TOX2: variants seen among roughly 807,000 people sequenced by gnomAD.
TOX2 encodes the protein TOX high mobility group box family member 2, also known as granulosa cell HMG box 1.
Under a neutral mutation model 47.4 loss-of-function variants are expected in TOX2, and 15 were observed. The ratio of observed to expected loss-of-function variants is 0.32; its 90% CI spans 0.21 to 0.49. The LOEUF (loss-of-function observed/expected upper bound fraction) is 0.49. Ranked by LOEUF, TOX2 falls within the 20% of genes least tolerant of loss-of-function variation. TOX2 has a pLI of 0.99. For missense variants in TOX2, 622 were observed against 673.1 expected (o/e 0.92, Z 0.84); for synonymous variants, 290 against 296.6 (o/e 0.98, Z 0.23).
At chr20:43,926,706 C>G (rs944047930) in intron 1 of TOX2, among the ~76,000 whole-genome samples, 2 of 152,216 alleles carry the variant, frequency 1.3e-5, no homozygotes, top group South Asian at 4.1e-4. Flanking sequence ...CAGTTCCCTT[C>G]TTTCTCATTG....
intron 1 of TOX2, among the ~76,000 whole-genome samples, chr20:43,934,633 C>T (rs1047700503): frequency 6.6e-6 from 1 of 152,008 alleles, no homozygotes; most frequent in African/African-American, 2.4e-5. Context: ...GACTACCAGG[C>T]TCTGGGGTTT....
At position 44,069,570 on chromosome 20, in the gene TOX2, T is replaced by A. The variant is rs1218119714; in HGVS notation, c.*884T>A. ...GGCGAGTGTCTGTCTTGGTGCCCAG[T>A]GCTTCTCTCAAATCTCTTTATAATA... is the stretch of plus-strand genomic sequence containing the variant. On this transcript the variant is annotated 3_prime_UTR_variant, in exon 9 of 9. Coordinates refer to ENST00000341197, the MANE Select transcript of TOX2 (RefSeq NM_001098797.2). The A allele has an allele frequency of 6.5e-6, 1 of 152,846 alleles. No homozygotes were observed. The highest frequency in any genetic ancestry group is 6.5e-5 in the Admixed American group (1 of 15,294). 9.5% of individuals were successfully genotyped at this position (152,846 alleles called of 1,614,324 possible). A position where few individuals can be genotyped will look rare whatever the true frequency, so the allele number is the denominator to read the frequency against.
At chr20:44,049,602 G>A (rs6103583) in intron 3 of TOX2, among the ~76,000 whole-genome samples, 113,624 of 152,100 alleles carry the variant, frequency 0.75, 42,604 homozygotes, top group Middle Eastern at 0.84. Context: ...TCACCTAGGT[G>A]CTAAACCCAG....
intron 1 of TOX2, among the ~76,000 whole-genome samples, chr20:43,941,407 A>G (rs758074189): frequency 6.7e-6 from 1 of 149,668 alleles, no homozygotes; most frequent in Non-Finnish European, 1.5e-5. Flanking sequence ...ATCTCGGCTC[A>G]CTGCAACCTC....
chr20:43,923,604 G>T (rs1330006267), intron 1 of TOX2, among the ~76,000 whole-genome samples: 4 of 152,204 alleles, frequency 2.6e-5, no homozygotes, highest in Non-Finnish European at 4.4e-5. Flanking sequence ...CTTAACTGAG[G>T]ACAGTAGAGA....
Position 44,061,050 on chromosome 20 carries a change from A to G in TOX2, c.880-3727A>G, listed in dbSNP as rs6103590. ...AGAGAAGATCCAAATAAGCTCAATT[A>G]GAAACAAAACATGAGATATTACAAC... On this transcript the variant is annotated intron_variant, in intron 5 of 8. Transcript: ENST00000341197. 8.8e-3 allele frequency among the ~76,000 whole-genome samples: 1,346 copies of G among 152,334 alleles called. 23 individuals carry two copies. Among genetic ancestry groups the G allele is most frequent in the African/African-American group, 0.031 (1,307 of 41,580 alleles).
intron 3 of TOX2, among the ~76,000 whole-genome samples, chr20:44,035,573 T>G (rs1179077876): frequency 6.6e-5 from 10 of 152,064 alleles, no homozygotes; most frequent in Non-Finnish European, 1.5e-5. Flanking sequence ...TGGTCAGCCA[T>G]GTGTTCTCTA....
At chr20:43,947,379 TG>T (rs1022865269) in intron 1 of TOX2, among the ~76,000 whole-genome samples, 7 of 152,262 alleles carry the variant, frequency 4.6e-5, no homozygotes, top group African/African-American at 1.7e-4. Context: ...ACACTCACTG[TG>T]TAACACTTTG....
chr20:43,940,105 G>T (rs1263113868), intron 1 of TOX2, among the ~76,000 whole-genome samples: 1 of 152,168 alleles, frequency 6.6e-6, no homozygotes, highest in Non-Finnish European at 1.5e-5. Flanking sequence ...GGGGCATTGG[G>T]TCTAGGAGCT....
At chr20:43,967,739 G>A (rs1479986872) in intron 1 of TOX2, among the ~76,000 whole-genome samples, 1 of 152,000 alleles carries the variant, frequency 6.6e-6, no homozygotes, top group Admixed American at 6.6e-5. Flanking sequence ...TTGATTACAT[G>A]TTGAAATCAT....
At chr20:44,026,776 G>T (rs992377006) in intron 3 of TOX2, among the ~76,000 whole-genome samples, 1 of 152,080 alleles carries the variant, frequency 6.6e-6, no homozygotes, top group African/African-American at 2.4e-5. Context: ...CTGTGCCTCA[G>T]GTCCACTGTG....
At chr20:44,026,228 G>GATATATATATATAGATATAT (rs1555842269) in intron 3 of TOX2, among the ~76,000 whole-genome samples, 23 of 60,252 alleles carry the variant, frequency 3.8e-4, no homozygotes, top group Admixed American at 2.5e-3. Flanking sequence ...AAGAAACTGT[G>GATATATATATATAGATATAT]ATATATATAT....
intron 2 of TOX2, among the ~76,000 whole-genome samples, chr20:43,976,770 G>A (rs1476652641): frequency 2.2e-5 from 3 of 138,596 alleles, no homozygotes; most frequent in South Asian, 2.4e-4. Flanking sequence ...AACTCACAAC[G>A]CGAGCGCGCG....
chr20:43,943,769 T>A (rs1293069168), intron 1 of TOX2, among the ~76,000 whole-genome samples: 12 of 152,238 alleles, frequency 7.9e-5, no homozygotes, highest in South Asian at 2.1e-4. Flanking sequence ...GATGAACAAG[T>A]TTAACATTCA....
chr20:44,058,923 T>G (rs894838116), intron 5 of TOX2, among the ~76,000 whole-genome samples: 4 of 152,096 alleles, frequency 2.6e-5, no homozygotes, highest in Non-Finnish European at 4.4e-5. Flanking sequence ...TTTACCCAAA[T>G]GGGAAGGAAC....
chr20:44,019,666 G>T (rs2070946061), intron 3 of TOX2, among the ~76,000 whole-genome samples: 1 of 152,212 alleles, frequency 6.6e-6, no homozygotes, highest in African/African-American at 2.4e-5. Flanking sequence ...CTGTGGGACT[G>T]GGATGCTGGA....
At chr20:44,025,337 C>A (rs117881913) in intron 3 of TOX2, among the ~76,000 whole-genome samples, 1 of 150,738 alleles carries the variant, frequency 6.6e-6, no homozygotes, top group Admixed American at 6.6e-5. Context: ...GCCTTTGCAC[C>A]CCCATGTCCA....
At chr20:43,992,492 G>C (rs2070386644) in intron 2 of TOX2, among the ~76,000 whole-genome samples, 1 of 152,124 alleles carries the variant, frequency 6.6e-6, no homozygotes, top group Non-Finnish European at 1.5e-5. Flanking sequence ...GGAGCCAAAG[G>C]AGCTCCCATT....
chr20:44,007,038 C>A (rs937531519), intron 3 of TOX2, among the ~76,000 whole-genome samples: 1 of 152,008 alleles, frequency 6.6e-6, no homozygotes, highest in Non-Finnish European at 1.5e-5. Context: ...TGGAGCTCTG[C>A]GTACAGTATC....
Sources: allele counts gnomAD v4.1 joint callset (sites outside exome capture counted in the v4.1 genomes callset), GRCh38; gene constraint gnomAD v4.1.1; transcripts MANE v1.5; gene names NCBI Gene and HGNC (gene_info 2026-07-23, HGNC 2026-07-21).